LDB2: variants seen among roughly 807,000 people sequenced by gnomAD.
The protein encoded by LDB2 is LIM domain binding 2.
A neutral mutation model predicts 44.3 loss-of-function variants in LDB2; 12 were observed. That is an observed-to-expected ratio of 0.27 (90% confidence interval 0.17 to 0.44). The LOEUF is 0.44. Ranked by LOEUF, LDB2 falls within the 20% of genes least tolerant of loss-of-function variation. The pLI is 1.00. For synonymous variants in LDB2, 164 were observed against 174.8 expected (o/e 0.94, Z 0.49); for missense variants, 344 against 473.5 (o/e 0.73, Z 2.54).
At chr4:16,664,503 G>A (rs1442719079) in intron 2 of LDB2, among the ~76,000 whole-genome samples, 6 of 152,142 alleles carry the variant, frequency 3.9e-5, no homozygotes, top group East Asian at 1.9e-4. Context: ...AAATGAAGAC[G>A]TTAGTGGGAA....
intron 4 of LDB2, among the ~76,000 whole-genome samples, chr4:16,588,196 A>T (rs1369549526): frequency 6.6e-6 from 1 of 152,172 alleles, no homozygotes. Flanking sequence ...TTTATGGTCA[A>T]ACAAAACCAA....
intron 1 of LDB2, among the ~76,000 whole-genome samples, chr4:16,896,017 A>G (rs1349226201): frequency 6.6e-6 from 1 of 152,206 alleles, no homozygotes; most frequent in Non-Finnish European, 1.5e-5. Flanking sequence ...TTTACTGCTT[A>G]GCAAAGAAAA....
chr4:16,813,474 C>T (rs1310378202), intron 1 of LDB2, among the ~76,000 whole-genome samples: 1 of 152,126 alleles, frequency 6.6e-6, no homozygotes, highest in South Asian at 2.1e-4. Context: ...GAGAAAGTCA[C>T]CTTTATATGT....
chr4:16,690,615 G>A (rs111439916), intron 2 of LDB2, among the ~76,000 whole-genome samples: 2,261 of 151,600 alleles, frequency 0.015, 17 homozygotes, highest in Non-Finnish European at 0.022. Context: ...AAAGATGTAT[G>A]GTTTTTTATA....
At chr4:16,802,020 C>T (rs1458461209) in intron 1 of LDB2, among the ~76,000 whole-genome samples, 1 of 152,204 alleles carries the variant, frequency 6.6e-6, no homozygotes, top group Non-Finnish European at 1.5e-5. Flanking sequence ...ACTCTGGAGG[C>T]TGTGGTTTCC....
chr4:16,576,575 A>G (rs1291130754), intron 5 of LDB2, among the ~76,000 whole-genome samples: 1 of 152,208 alleles, frequency 6.6e-6, no homozygotes, highest in Non-Finnish European at 1.5e-5. Flanking sequence ...GAGTAACAAG[A>G]TTGAAGCTAT....
chr4:16,649,735 A>G (rs1285396538), intron 2 of LDB2, among the ~76,000 whole-genome samples: 1 of 152,188 alleles, frequency 6.6e-6, no homozygotes, highest in Non-Finnish European at 1.5e-5. Context: ...CAAATAGAAA[A>G]CACTGAATCC....
intron 1 of LDB2, among the ~76,000 whole-genome samples, chr4:16,814,389 A>G (rs1174570662): frequency 6.6e-6 from 1 of 152,148 alleles, no homozygotes; most frequent in Non-Finnish European, 1.5e-5. Flanking sequence ...GAATAGCAGG[A>G]CACAAGTTCA....
intron 5 of LDB2, among the ~76,000 whole-genome samples, chr4:16,520,000 C>T (rs957772876): frequency 6.6e-6 from 1 of 151,922 alleles, no homozygotes; most frequent in Non-Finnish European, 1.5e-5. Context: ...ACAATGAATG[C>T]CCCAAAGAGT....
In LDB2 at chr4:16,585,961, G is replaced by A. The variant is rs760165985; in HGVS notation, c.576C>T (p.Thr192=). Residue 192 remains threonine, a synonymous_variant, in exon 5 of 8, where the codon ACC becomes ACT. Transcript: ENST00000304523. The stretch of plus-strand genomic sequence containing the variant: ...GGGTGAAGTTTGTTAGCCCCATCCT[G>A]GTGATGTTTTTGGACAGCTGATCCA... ...QVLDQLSKNI[T]RMGLTNFTLN... The A allele has an allele frequency of 6.2e-7, 1 of 1,613,738 alleles. No homozygotes were observed. The highest frequency in any genetic ancestry group is 8.5e-7 in the Non-Finnish European group (1 of 1,179,764).
intron 5 of LDB2, among the ~76,000 whole-genome samples, chr4:16,561,445 A>G (rs1309606319): frequency 6.6e-6 from 1 of 152,134 alleles, no homozygotes; most frequent in Admixed American, 6.5e-5. Context: ...GAGAGCCAAA[A>G]CATGAGTGAA....
At chr4:16,547,945 C>CT (rs36023315) in intron 5 of LDB2, among the ~76,000 whole-genome samples, 41 of 149,646 alleles carry the variant, frequency 2.7e-4, no homozygotes, top group South Asian at 2.0e-3. Flanking sequence ...TCTCCTGGTT[C>CT]TTTTTTTTTG....
intron 2 of LDB2, among the ~76,000 whole-genome samples, chr4:16,704,186 G>T (rs564013676): frequency 2.6e-5 from 4 of 152,068 alleles, no homozygotes; most frequent in Admixed American, 6.5e-5. Context: ...GTTTCCTTTG[G>T]CCTCCAGAAC....
intron 5 of LDB2, among the ~76,000 whole-genome samples, chr4:16,576,613 C>G (rs1257313480): frequency 6.6e-6 from 1 of 152,078 alleles, no homozygotes; most frequent in Non-Finnish European, 1.5e-5. Context: ...CAAAGAAAAG[C>G]CCAGGAGCTG....
chr4:16,749,821 A>G (rs1050714853), intron 2 of LDB2, among the ~76,000 whole-genome samples: 3 of 152,026 alleles, frequency 2.0e-5, no homozygotes, highest in African/African-American at 7.2e-5. Context: ...AGTTACAAAT[A>G]TCTATTGAAA....
At position 16,509,389 on chromosome 4, in the gene LDB2, G is replaced by T. The variant is rs138594101; in HGVS notation, c.740-703C>A. 7.8e-4 allele frequency among the ~76,000 whole-genome samples: 119 copies of T among 152,162 alleles called. 3 individuals carry two copies. The East Asian group carries it at 0.018, about 23-fold the overall frequency. On this transcript the variant is annotated intron_variant, in intron 6 of 7. Coordinates refer to ENST00000304523, the MANE Select transcript of LDB2 (RefSeq NM_001290.5). ...CATGGTATAGCCAGCATATTACTGAGGGGAAACTAGACCTCTTAAAGAAAG... is the reference window on the plus strand; with the variant it reads ...CATGGTATAGCCAGCATATTACTGATGGGAAACTAGACCTCTTAAAGAAAG...
chr4:16,821,746 C>CAAAAAAAAAAAAAAAAAAAAAAAAA (rs562184189), intron 1 of LDB2, among the ~76,000 whole-genome samples: 28 of 61,738 alleles, frequency 4.5e-4, no homozygotes, highest in Admixed American at 8.0e-4. Context: ...AACATTAAAG[C>CAAAAAAAAAAAAAAAAAAAAAAAAA]AAAAAAAAAA....
intron 5 of LDB2, among the ~76,000 whole-genome samples, chr4:16,562,029 A>T (rs1334433515): frequency 2.0e-5 from 3 of 152,250 alleles, no homozygotes; most frequent in Non-Finnish European, 4.4e-5. Context: ...TAGAAAGCTG[A>T]AACTGGATCC....
intron 2 of LDB2, among the ~76,000 whole-genome samples, chr4:16,730,478 A>G (rs1760506403): frequency 6.6e-6 from 1 of 152,194 alleles, no homozygotes; most frequent in Non-Finnish European, 1.5e-5. Flanking sequence ...TATATTGCTT[A>G]CCAGATTACA....
Sources: gnomAD v4.1 joint callset for allele counts (sites outside exome capture counted in the v4.1 genomes callset) on GRCh38, gnomAD v4.1.1 for gene constraint, MANE v1.5 for transcripts, NCBI Gene and HGNC (gene_info 2026-07-23, HGNC 2026-07-21) for gene names.